The following PRRC2B variants were observed in gnomAD, a reference collection of about 807,000 sequenced individuals.
PRRC2B encodes protein PRRC2B.
Under a neutral mutation model 242.3 loss-of-function variants are expected in PRRC2B, and 68 were observed. That is an observed-to-expected ratio of 0.28 (90% confidence interval 0.23 to 0.34). PRRC2B has a LOEUF of 0.34. Among genes scored for constraint, PRRC2B ranks in the 10% least tolerant of loss-of-function variants. PRRC2B has a pLI of 1.00. For synonymous variants in PRRC2B, 1,228 were observed against 1,173.6 expected (o/e 1.05, Z -0.95); for missense variants, 2,835 against 2,954.8 (o/e 0.96, Z 0.94).
intron 1 of PRRC2B, among the ~76,000 whole-genome samples, chr9:131,396,006 T>A (rs1184475506): frequency 6.6e-6 from 1 of 152,198 alleles, no homozygotes; most frequent in Non-Finnish European, 1.5e-5. Flanking sequence ...CAAGTGTGTC[T>A]CTTGGAGCCT....
At chr9:131,447,534 A>T in intron 8 of PRRC2B, 128 bp from the exon 9 acceptor site, 1 of 1,019,328 alleles carries the variant, frequency 9.8e-7, no homozygotes, top group Non-Finnish European at 1.4e-6. Context: ...TATTTCTTTT[A>T]AAGGAACTGA....
Position 131,482,356 on chromosome 9 carries a change from T to G in PRRC2B, c.4984-15T>G. ...TGGGAGTTTGAGGCTATAACCCATT[T>G]TGTGCTCTGCACAGCAGGGTTTTAA... On this transcript the variant is annotated splice_polypyrimidine_tract_variant and intron_variant, in intron 20 of 31. Transcript: ENST00000683519. The surrounding 1 kb of genome is among the most constrained non-coding windows in gnomAD (Gnocchi z 5.2). 6.5e-6 allele frequency: 10 copies of G among 1,548,898 alleles called. No homozygotes were observed. The highest frequency in any genetic ancestry group is 7.9e-6 in the Non-Finnish European group (9 of 1,142,898).
At chr9:131,379,814 C>T (rs1489525912) in intron 1 of PRRC2B, among the ~76,000 whole-genome samples, 34 of 150,856 alleles carry the variant, frequency 2.3e-4, no homozygotes, top group African/African-American at 8.0e-4. Context: ...TTAGTAGAGA[C>T]GGGGTTTCAC....
In PRRC2B at chr9:131,487,227, C is replaced by G; in HGVS notation, c.5917C>G (p.Leu1973Val). The change falls in exon 27 of 32, where the codon CTT becomes GTT. Residue 1973 changes from leucine to valine, a missense_variant. By Grantham distance (32) the Leu-to-Val change is conservative (BLOSUM62 1). Around this residue, in one of 7 missense-constraint regions of PRRC2B, gnomAD observed 574 missense variants for 626.0 expected, o/e 0.92. Transcript: ENST00000683519. The surrounding 1 kb of genome is among the most constrained non-coding windows in gnomAD (Gnocchi z 5.3). ...LHTSLQAQAQ[L>V]GLRGGLPVSQ... ...CACATCTCTGCAGGCACAAGCTCAGCTTGGACTGAGGGGTGGGCTTCCTGT... is the reference window on the plus strand; with the variant it reads ...CACATCTCTGCAGGCACAAGCTCAGGTTGGACTGAGGGGTGGGCTTCCTGT... 1 of 1,613,590 alleles carries G rather than the reference C, an allele frequency of 6.2e-7. No homozygotes were observed.
intron 1 of PRRC2B, among the ~76,000 whole-genome samples, chr9:131,383,921 G>T (rs1274648453): frequency 6.6e-6 from 1 of 150,462 alleles, no homozygotes; most frequent in African/African-American, 2.4e-5. Flanking sequence ...GCGCCCGGCC[G>T]GTTTTGGTTT....
At chr9:131,373,825 C>G (rs1836648177) in intron 1 of PRRC2B, 1 of 152,138 alleles carries the variant, frequency 6.6e-6, no homozygotes, top group Non-Finnish European at 1.5e-5. Flanking sequence ...TTTGGGAGGC[C>G]GAGGCGGGCG....
chr9:131,432,242 C>T (rs1564282178), intron 2 of PRRC2B, among the ~76,000 whole-genome samples: 1 of 152,090 alleles, frequency 6.6e-6, no homozygotes, highest in Non-Finnish European at 1.5e-5. Flanking sequence ...AGAGGCTGTC[C>T]CTTTAGTCCT....
rs1944192538 is a variant in PRRC2B at position 131,491,456 on chromosome 9, G to A, written c.6257G>A (p.Gly2086Glu). The A allele has an allele frequency of 1.9e-6, 3 of 1,609,944 alleles. No individual in the cohort carries two copies. Among genetic ancestry groups the A allele is most frequent in the Non-Finnish European group, 2.5e-6 (3 of 1,178,752 alleles). Residue 2086 changes from glycine (G) to glutamate (E), a missense_variant, in exon 29 of 32, where the codon GGG becomes GAG. Gly to Glu is a moderately conservative substitution (Grantham distance 98, BLOSUM62 -2). This residue lies in a region of PRRC2B where 574 missense variants were observed against 626.0 expected (regional missense o/e 0.92). Coordinates refer to ENST00000683519, the MANE Select transcript of PRRC2B (RefSeq NM_013318.4). The part of the protein sequence containing the change: ...LTMPLPRYGS[G>E]QQPLILPQSI... ...ATGCCACTGCCTCGGTACGGCTCCG[G>A]GCAGCAGCCACTGATCCTGCCCCAG...
At chr9:131,457,611 C>CT (rs954597784) in intron 10 of PRRC2B, among the ~76,000 whole-genome samples, 2 of 152,140 alleles carry the variant, frequency 1.3e-5, no homozygotes, top group Admixed American at 6.6e-5. Context: ...TGCCCTGACT[C>CT]TGTCTCCTCT....
At chr9:131,384,647 T>A (rs1237534554) in intron 1 of PRRC2B, among the ~76,000 whole-genome samples, 1 of 150,616 alleles carries the variant, frequency 6.6e-6, no homozygotes. Flanking sequence ...CTTGAACTCT[T>A]GACCTTGTGA....
chr9:131,441,981 T>G (rs1473305805), intron 5 of PRRC2B, among the ~76,000 whole-genome samples: 2 of 488 alleles, frequency 4.1e-3, no homozygotes, highest in South Asian at 0.5. Context: ...TGGTGTGAGA[T>G]TTTTTTTTTT....
intron 9 of PRRC2B, among the ~76,000 whole-genome samples, chr9:131,451,864 AT>A (rs200746253): frequency 6.9e-4 from 101 of 146,728 alleles, no homozygotes; most frequent in African/African-American, 1.6e-3. Context: ...AATAGATTGC[AT>A]TTTTTTTTAA....
At position 131,464,977 on chromosome 9, in the gene PRRC2B, G is replaced by A. The variant is rs780688754; in HGVS notation, c.1619G>A (p.Arg540Gln). ...KQLDQKCKQA[R>Q]KAGEARKQAE... ...CTGGACCAGAAGTGTAAGCAGGCACGAAAGGCAGGTGAGGCCCGGAAGCAG... is the reference window on the plus strand; with the variant it reads ...CTGGACCAGAAGTGTAAGCAGGCACAAAAGGCAGGTGAGGCCCGGAAGCAG... Residue 540 changes from arginine to glutamine, a missense_variant, in exon 12 of 32, where the codon CGA (arginine) becomes CAA (glutamine). By Grantham distance (43) the Arg-to-Gln change is conservative (BLOSUM62 1). Transcript: ENST00000683519. 12 of 1,613,870 alleles carry A rather than the reference G, an allele frequency of 7.4e-6. No homozygotes were observed. In the South Asian group the frequency reaches 7.7e-5, roughly 10 times the overall value.
chr9:131,468,948 G>A (rs1256881792), intron 13 of PRRC2B, among the ~76,000 whole-genome samples: 2 of 152,132 alleles, frequency 1.3e-5, no homozygotes, highest in African/African-American at 4.8e-5. Flanking sequence ...ACTGATGGGG[G>A]AGAGCTCTGG....
chr9:131,399,276 CAAAAAA>C (rs72492020), intron 1 of PRRC2B, among the ~76,000 whole-genome samples: 3 of 44,218 alleles, frequency 6.8e-5, no homozygotes, highest in Non-Finnish European at 8.8e-5. Flanking sequence ...AATTCTGTCT[CAAAAAA>C]AAAAAAAAAA....
chr9:131,430,061 T>TC lies in PRRC2B; in HGVS notation c.-51-33_-51-32insC, dbSNP rs914947703. The TC allele has an allele frequency of 3.9e-4, 132 of 337,330 alleles. No homozygotes were observed. The Middle Eastern group carries it at 4.4e-3, about 11-fold the overall frequency. 20.9% of individuals were successfully genotyped at this position (337,330 alleles called of 1,614,324 possible). ...ACACTCTTTTTTTTTTTTCTCTCTC[T>TC]TTTTTTTTTTTTCTTCTCTATTTCA... On this transcript the variant is annotated intron_variant, in intron 1 of 31. Coordinates refer to ENST00000683519, the MANE Select transcript of PRRC2B (RefSeq NM_013318.4).
At chr9:131,425,597 C>T (rs1217740451) in intron 1 of PRRC2B, among the ~76,000 whole-genome samples, 2 of 151,802 alleles carry the variant, frequency 1.3e-5, no homozygotes, top group Admixed American at 6.6e-5. Context: ...ATGCCATTCT[C>T]CTGCCTCAGT....
chr9:131,481,916 A>C, intron 20 of PRRC2B, 108 bp downstream of exon 20: 7 of 1,006,504 alleles, frequency 7.0e-6, no homozygotes, highest in Non-Finnish European at 1.1e-5. Context: ...CTGCCACAGC[A>C]GCTGAGCTTG....
intron 1 of PRRC2B, among the ~76,000 whole-genome samples, chr9:131,377,410 G>A (rs1836701411): frequency 6.6e-6 from 1 of 152,158 alleles, no homozygotes; most frequent in Non-Finnish European, 1.5e-5. Flanking sequence ...ACTGCTCCTG[G>A]CCTATACTAT....
Sources: allele counts gnomAD v4.1 joint callset (sites outside exome capture counted in the v4.1 genomes callset), GRCh38; gene constraint gnomAD v4.1.1; regional missense constraint gnomAD v4.1.1; non-coding constraint Gnocchi (gnomAD v3.1); transcripts MANE v1.5; gene names NCBI Gene and HGNC (gene_info 2026-07-23, HGNC 2026-07-21).